The following TRIM16 variants were observed in gnomAD, a reference collection of about 807,000 sequenced individuals.
The protein encoded by TRIM16 is tripartite motif containing 16, also known as tripartite motif-containing protein 16.
Under a neutral mutation model 50.4 loss-of-function variants are expected in TRIM16, and 33 were observed. The ratio of observed to expected loss-of-function variants is 0.65; its 90% CI spans 0.50 to 0.88. The LOEUF is 0.88. TRIM16 is among the 40% of genes least tolerant of loss of function. The pLI, the probability that TRIM16 is intolerant of heterozygous loss-of-function variation, is 0.00. For synonymous variants in TRIM16, 229 were observed against 270.7 expected, an observed-to-expected ratio of 0.85 and a Z score of 1.51; for missense variants, 581 against 686.8, an observed-to-expected ratio of 0.85 and a Z score of 1.72.
chr17:15,637,881 CTT>C (rs1452935606), intron 8 of TRIM16, among the ~76,000 whole-genome samples: 4 of 137,804 alleles, frequency 2.9e-5, no homozygotes, highest in African/African-American at 1.1e-4. Flanking sequence ...ACATGGGAGA[CTT>C]TTCATTTTGT....
At chr17:15,669,908 C>A in intron 6 of TRIM16, among the ~76,000 whole-genome samples, 1 of 152,166 alleles carries the variant, frequency 6.6e-6, no homozygotes, top group Non-Finnish European at 1.5e-5. Flanking sequence ...ACCCCCTCCC[C>A]CAATTGTGAC....
chr17:15,683,250 C>G (rs1289902060), intron 1 of TRIM16, 93 bp from the exon 2 acceptor site: 1 of 981,322 alleles, frequency 1.0e-6, no homozygotes, highest in Non-Finnish European at 1.5e-6. Context: ...CAGAGTCTGA[C>G]GCAGTATCTT....
At chr17:15,669,799 G>A (rs1988649485) in intron 6 of TRIM16, among the ~76,000 whole-genome samples, 1 of 152,214 alleles carries the variant, frequency 6.6e-6, no homozygotes, top group Non-Finnish European at 1.5e-5. Context: ...CAGTGCTACT[G>A]CCGTTTTGGG....
intron 6 of TRIM16, chr17:15,658,760 C>T: frequency 2.1e-6 from 2 of 972,394 alleles, no homozygotes; most frequent in Non-Finnish European, 2.4e-6. Context: ...CTGGAAGTCG[C>T]ATCACTCCTC....
chr17:15,680,009 A>T (rs1209452204), intron 4 of TRIM16, among the ~76,000 whole-genome samples: 1 of 152,038 alleles, frequency 6.6e-6, no homozygotes, highest in Non-Finnish European at 1.5e-5. Flanking sequence ...TTTGAGTATA[A>T]GAAGCCTTTA....
At chr17:15,674,473 T>C (rs1361214520) in intron 6 of TRIM16, among the ~76,000 whole-genome samples, 4 of 152,188 alleles carry the variant, frequency 2.6e-5, no homozygotes. Context: ...TTTTGATGTC[T>C]GGCCATTGAC....
chr17:15,663,838 T>C (rs1223816003), intron 6 of TRIM16, among the ~76,000 whole-genome samples: 1 of 152,110 alleles, frequency 6.6e-6, no homozygotes, highest in Non-Finnish European at 1.5e-5. Flanking sequence ...CCCGGGTCAA[T>C]CCCATGTCTG....
intron 10 of TRIM16, chr17:15,631,919 T>C (rs1986445301): frequency 1.0e-5 from 6 of 592,568 alleles, no homozygotes; most frequent in South Asian, 8.0e-5. Flanking sequence ...CCAGACCATC[T>C]TGGATTTAAC....
chr17:15,681,062 A>G, intron 3 of TRIM16, 109 bp from the exon 4 acceptor site: 1 of 1,084,574 alleles, frequency 9.2e-7, no homozygotes. Flanking sequence ...TTGGCTGTCC[A>G]TAGCTTGAAG....
rs1222590576 is a variant in TRIM16, at chr17:15,684,303, GC to G, written c.-1007del. The G allele has an allele frequency of 6.6e-6, 1 of 152,262 alleles. No individual in the cohort carries two copies. The highest frequency in any genetic ancestry group is 2.4e-5 in the African/African-American group (1 of 41,454). 9.4% of individuals were successfully genotyped at this position (152,262 alleles called of 1,614,324 possible). A position where few individuals can be genotyped will look rare whatever the true frequency, so the allele number is the denominator to read the frequency against. ...GCGCGGAGATCCTCCAGAGAAAGGG[GC>G]CGGAAACGGAAGTGCGCGCCGAGGC... is the stretch of plus-strand genomic sequence containing the variant. On this transcript the variant is annotated 5_prime_UTR_variant, in exon 1 of 12. Transcript: ENST00000649191.
intron 6 of TRIM16, among the ~76,000 whole-genome samples, chr17:15,676,529 G>C (rs1988955153): frequency 6.6e-6 from 1 of 151,466 alleles, no homozygotes; most frequent in Non-Finnish European, 1.5e-5. Context: ...CCACCTCCTG[G>C]GGTTCACGCC....
rs968089185 is a variant in TRIM16 at position 15,677,562 on chromosome 17, G to C, written c.-443+13C>G. The C allele has an allele frequency of 9.5e-7, 1 of 1,050,168 alleles. No homozygotes were observed. The highest frequency in any genetic ancestry group is 1.7e-5 in the African/African-American group (1 of 59,120). The allele number at this position is 1,050,168 out of a possible 1,614,324, so 65.1% of individuals were successfully genotyped here. ...CTGAAAGGTCAATCTGGGGTGGAAG[G>C]ACCCAAGCTCACCCAAGGAGACCAG... On this transcript the variant is annotated intron_variant, in intron 5 of 11. Coordinates refer to ENST00000649191, the MANE Select transcript of TRIM16 (RefSeq NM_001348119.1).
chr17:15,649,512 T>G (rs1275659219), intron 7 of TRIM16, among the ~76,000 whole-genome samples: 1 of 152,152 alleles, frequency 6.6e-6, no homozygotes, highest in African/African-American at 2.4e-5. Flanking sequence ...GGTCTCGATC[T>G]CCTGCCCTCA....
At chr17:15,670,521 A>G (rs74720526) in intron 6 of TRIM16, among the ~76,000 whole-genome samples, 37 of 150,668 alleles carry the variant, frequency 2.5e-4, no homozygotes, top group African/African-American at 8.0e-4. Context: ...GCTCAGCTCC[A>G]CTATCCACTG....
chr17:15,675,402 G>T (rs556999608), intron 6 of TRIM16: 2 of 166,040 alleles, frequency 1.2e-5, no homozygotes, highest in African/African-American at 4.8e-5. Flanking sequence ...GAAGTCTCTG[G>T]TGTCTAATGA....
chr17:15,641,062 C>G (rs148863858), intron 8 of TRIM16, among the ~76,000 whole-genome samples: 1 of 148,434 alleles, frequency 6.7e-6, no homozygotes, highest in Non-Finnish European at 1.5e-5. Flanking sequence ...CCGGCCCCAA[C>G]TGAGGCCATC....
In TRIM16 at chr17:15,683,059, C is replaced by G. The variant is rs894013474; in HGVS notation, c.-800G>C. 5 of 1,550,456 alleles carry G rather than the reference C, an allele frequency of 3.2e-6. No individual in the cohort carries two copies. The African/African-American group carries it at 4.1e-5, about 13-fold the overall frequency. On this transcript the variant is annotated 5_prime_UTR_variant, in exon 2 of 12. Coordinates refer to ENST00000649191, the MANE Select transcript of TRIM16 (RefSeq NM_001348119.1). ...ACCTCTGTTCTGGAGTTTGCAGGTC[C>G]AATCCTCCATAATCATAGCCTTTGC...
chr17:15,669,381 A>G (rs1294389923), intron 6 of TRIM16, among the ~76,000 whole-genome samples: 2 of 152,094 alleles, frequency 1.3e-5, no homozygotes, highest in Non-Finnish European at 2.9e-5. Flanking sequence ...AGATACCTCT[A>G]AATTATTTTT....
At chr17:15,639,528 C>T (rs1342474170) in intron 8 of TRIM16, among the ~76,000 whole-genome samples, 1 of 148,174 alleles carries the variant, frequency 6.7e-6, no homozygotes. Context: ...AGACAGGTGA[C>T]GGTGTTGAGA....
Sources: gnomAD v4.1 joint callset for allele counts (sites outside exome capture counted in the v4.1 genomes callset) on GRCh38, gnomAD v4.1.1 for gene constraint, MANE v1.5 for transcripts, NCBI Gene and HGNC (gene_info 2026-07-23, HGNC 2026-07-21) for gene names.